Variants in DMD observed in about 807,000 individuals in gnomAD.
DMD encodes dystrophin, also known as mutant dystrophin.
DMD carries 63 observed loss-of-function variants against 330.1 expected under a neutral mutation model. The ratio of observed to expected loss-of-function variants is 0.19; its 90% CI spans 0.16 to 0.24. The LOEUF (loss-of-function observed/expected upper bound fraction) is 0.24, where lower values mean the gene tolerates loss of function less well. DMD is among the 10% of genes least tolerant of loss of function. The pLI is 1.00. For synonymous variants in DMD, 1,223 were observed against 959.8 expected (o/e 1.27, Z -5.07); for missense variants, 3,344 against 2,684.1 (o/e 1.25, Z -5.43).
At chrX:32,039,538 G>A (rs1174535144) in intron 44 of DMD, among the ~76,000 whole-genome samples, 1 of 111,205 alleles carries the variant, frequency 9.0e-6, no homozygotes, top group Non-Finnish European at 1.9e-5. Flanking sequence ...GGTGCCTCAA[G>A]TCCAAGTTCC....
At chrX:31,901,122 T>C (rs1050775898) in intron 47 of DMD, among the ~76,000 whole-genome samples, 18 of 111,763 alleles carry the variant, frequency 1.6e-4, no homozygotes, top group Non-Finnish European at 3.2e-4. Context: ...CTCCCTGATA[T>C]GGACTAATGC....
At chrX:33,246,808 C>G in intron 1 of DMD, among the ~76,000 whole-genome samples, 1 of 110,426 alleles carries the variant, frequency 9.1e-6, no homozygotes, top group Non-Finnish European at 1.9e-5. Flanking sequence ...GCCTCAGCCT[C>G]CTGAATAGCT....
chrX:32,363,039 G>A (rs754982839), intron 36 of DMD, 81 bp from the exon 37 acceptor site: 21 of 930,477 alleles, frequency 2.3e-5, no homozygotes, highest in South Asian at 6.3e-5. Context: ...CAAACAGAGC[G>A]AGTGAGCAAG....
At chrX:32,429,703 C>T (rs1173386145) in intron 29 of DMD, among the ~76,000 whole-genome samples, 1 of 109,176 alleles carries the variant, frequency 9.2e-6, no homozygotes, top group Non-Finnish European at 1.9e-5. Flanking sequence ...AGTGGTTATC[C>T]TTGACAATTT....
At chrX:31,421,835 C>G (rs2063375807) in intron 60 of DMD, among the ~76,000 whole-genome samples, 1 of 102,936 alleles carries the variant, frequency 9.7e-6, no homozygotes, top group Non-Finnish European at 2.0e-5. Context: ...CTAGTCTTTT[C>G]TGGCTTCAAC....
In DMD at chrX:32,604,329, G is replaced by A. The variant is rs759920041; in HGVS notation, c.1483-8453C>T. ...TGATCATCTCAATAGATGCAGAAAA[G>A]GCATTTGATAAAATCCAGCCTCTCC... is the stretch of plus-strand genomic sequence containing the variant. On this transcript the variant is annotated intron_variant, in intron 12 of 78. Transcript: ENST00000357033. Among the ~76,000 whole-genome samples the A allele has an allele frequency of 4.7e-4, 52 of 110,127 alleles. 1 individual carries two copies. The South Asian group carries it at 0.019, about 39-fold the overall frequency.
At chrX:31,961,394 C>T (rs186906716) in intron 45 of DMD, among the ~76,000 whole-genome samples, 4 of 111,499 alleles carry the variant, frequency 3.6e-5, no homozygotes, top group Admixed American at 1.9e-4. Context: ...AAAATTCTTA[C>T]GATTTAAATT....
chrX:32,459,096 G>A (rs1603633993), intron 25 of DMD, among the ~76,000 whole-genome samples: 1 of 110,566 alleles, frequency 9.0e-6, no homozygotes, highest in Non-Finnish European at 1.9e-5. Context: ...GTACAACATT[G>A]GGCCTATAGT....
At chrX:31,224,113 C>A (rs1328037641) in intron 63 of DMD, among the ~76,000 whole-genome samples, 1 of 111,941 alleles carries the variant, frequency 8.9e-6, no homozygotes, top group Non-Finnish European at 1.9e-5. Flanking sequence ...CTCCAAAAAG[C>A]TCCTTGAAGA....
intron 59 of DMD, among the ~76,000 whole-genome samples, chrX:31,470,257 G>A (rs1459130115): frequency 2.7e-5 from 3 of 111,284 alleles, no homozygotes; most frequent in Non-Finnish European, 3.8e-5. Flanking sequence ...GAGGCGTTCC[G>A]GTTTTTGGAA....
chrX:32,257,870 G>A (rs184840672), intron 43 of DMD, among the ~76,000 whole-genome samples: 276 of 111,185 alleles, frequency 2.5e-3, no homozygotes, highest in African/African-American at 8.8e-3. Flanking sequence ...TATCATGAGA[G>A]TGAACAGGCA....
At chrX:33,129,999 C>G (rs923157571) in intron 1 of DMD, among the ~76,000 whole-genome samples, 14 of 111,614 alleles carry the variant, frequency 1.3e-4, no homozygotes, top group Admixed American at 1.9e-4. Flanking sequence ...GAAGCTTTTC[C>G]GAACAAGTAA....
At chrX:33,210,942 T>G (rs773287472) in intron 1 of DMD, among the ~76,000 whole-genome samples, 1 of 111,384 alleles carries the variant, frequency 9.0e-6, no homozygotes, top group East Asian at 2.8e-4. Flanking sequence ...ATCAAAATAA[T>G]AACTCAGATA....
At chrX:31,547,168 G>A (rs1459444843) in intron 55 of DMD, among the ~76,000 whole-genome samples, 3 of 112,188 alleles carry the variant, frequency 2.7e-5, no homozygotes, top group Admixed American at 1.9e-4. Context: ...ATAAAAAGAA[G>A]AACATTACAA....
chrX:32,665,761 G>A (rs1033141776), intron 9 of DMD, among the ~76,000 whole-genome samples: 21 of 112,155 alleles, frequency 1.9e-4, no homozygotes, highest in African/African-American at 6.8e-4. Context: ...CTAAGACCTT[G>A]TCAAGTTAGT....
chrX:32,328,004 T>A (rs1398070126), intron 41 of DMD, among the ~76,000 whole-genome samples: 5 of 111,722 alleles, frequency 4.5e-5, no homozygotes, highest in African/African-American at 9.7e-5. Context: ...AGACCAATTA[T>A]TTCTTAAATA....
chrX:33,010,346 ATGTG>A lies in DMD; in HGVS notation c.93+9789_93+9792del, dbSNP rs1468285485. On this transcript the variant is annotated intron_variant, in intron 2 of 78. Transcript: ENST00000357033. The stretch of plus-strand genomic sequence containing the variant: ...TAAATATGTATATATGTACATATAT[ATGTG>A]TGTATGTATATCCATATATATATAT... Among the ~76,000 whole-genome samples, 82 of 105,008 alleles carry A rather than the reference ATGTG, an allele frequency of 7.8e-4. 1 individual carries two copies. Among genetic ancestry groups the A allele is most frequent in the African/African-American group, 3.0e-3 (81 of 27,322 alleles). The allele number at this position is 105,008 out of a possible 115,157, so 91.2% of individuals were successfully genotyped here.
chrX:31,380,884 C>T (rs1293101721), intron 60 of DMD, among the ~76,000 whole-genome samples: 1 of 110,557 alleles, frequency 9.0e-6, no homozygotes, highest in Non-Finnish European at 1.9e-5. Flanking sequence ...CAGACAGCCC[C>T]CATTACTTCA....
At chrX:33,172,622 A>C (rs2148706255) in intron 1 of DMD, among the ~76,000 whole-genome samples, 1 of 111,946 alleles carries the variant, frequency 8.9e-6, no homozygotes. Context: ...AAATGAGCCA[A>C]CTTCGATGAA....
Sources: gnomAD v4.1 joint callset for allele counts (sites outside exome capture counted in the v4.1 genomes callset) on GRCh38, gnomAD v4.1.1 for gene constraint, MANE v1.5 for transcripts, NCBI Gene and HGNC (gene_info 2026-07-23, HGNC 2026-07-21) for gene names.